CSNK1G3: variants seen among roughly 807,000 people sequenced by gnomAD.
CSNK1G3 encodes casein kinase I isoform gamma-3.
In CSNK1G3, 23 loss-of-function variants were observed where a neutral mutation model predicts 64.3. The observed-to-expected ratio is 0.36, with a 90% CI of 0.26 to 0.51. CSNK1G3 has a LOEUF of 0.51. Among genes scored for constraint, CSNK1G3 ranks in the 20% least tolerant of loss-of-function variants. The pLI is 0.96. For synonymous variants in CSNK1G3, 158 were observed against 162.2 expected (o/e 0.97, Z 0.20); for missense variants, 357 against 510.5 (o/e 0.70, Z 2.90).
intron 1 of CSNK1G3, among the ~76,000 whole-genome samples, chr5:123,532,822 T>C (rs1780148132): frequency 6.6e-6 from 1 of 151,920 alleles, no homozygotes; most frequent in East Asian, 1.9e-4. Context: ...TTAATGCCCG[T>C]ATGTGGAAAA....
chr5:123,604,690 A>G (rs780466126), intron 10 of CSNK1G3, 34 bp from the exon 12 acceptor site: 11 of 1,160,938 alleles, frequency 9.5e-6, no homozygotes, highest in Middle Eastern at 2.0e-4. Context: ...GTGTGTGTAC[A>G]TATACATATA....
At chr5:123,552,609 A>G (rs1219618604) in intron 2 of CSNK1G3, among the ~76,000 whole-genome samples, 2 of 152,316 alleles carry the variant, frequency 1.3e-5, no homozygotes, top group East Asian at 3.9e-4. Flanking sequence ...ACAGCCAATT[A>G]TTGAATGTTT....
intron 6 of CSNK1G3, among the ~76,000 whole-genome samples, chr5:123,577,433 G>A (rs113782928): frequency 3.5e-4 from 53 of 152,012 alleles, no homozygotes; most frequent in African/African-American, 1.3e-3. Flanking sequence ...AGAGACATAC[G>A]TTAATATCTG....
At chr5:123,593,668 CA>C (rs1320279036) in intron 10 of CSNK1G3, among the ~76,000 whole-genome samples, 35 of 152,212 alleles carry the variant, frequency 2.3e-4, no homozygotes, top group African/African-American at 8.4e-4. Flanking sequence ...ACTTAAGCTA[CA>C]AATCTGCTTA....
intron 12 of CSNK1G3, among the ~76,000 whole-genome samples, chr5:123,606,415 C>T (rs1285332212): frequency 4.6e-5 from 7 of 152,068 alleles, no homozygotes; most frequent in East Asian, 1.9e-4. Flanking sequence ...GTGGCAGATT[C>T]GACTGCACAT....
chr5:123,551,927 C>A (rs751358144), intron 2 of CSNK1G3, among the ~76,000 whole-genome samples: 1 of 152,078 alleles, frequency 6.6e-6, no homozygotes, highest in Non-Finnish European at 1.5e-5. Flanking sequence ...ATACATTAAT[C>A]AAATTATCTT....
intron 6 of CSNK1G3, among the ~76,000 whole-genome samples, chr5:123,577,550 A>G (rs1473096685): frequency 7.5e-6 from 1 of 133,852 alleles, no homozygotes; most frequent in Admixed American, 7.5e-5. Context: ...CCATATTTGT[A>G]TCTTTTTTTT....
intron 12 of CSNK1G3, among the ~76,000 whole-genome samples, chr5:123,606,317 T>C (rs2151178691): frequency 6.6e-6 from 1 of 152,298 alleles, no homozygotes; most frequent in South Asian, 2.1e-4. Flanking sequence ...ATAGTCTTAC[T>C]TGTGTGTTTT....
At chr5:123,594,431 A>G (rs1433608743) in intron 10 of CSNK1G3, among the ~76,000 whole-genome samples, 2 of 152,146 alleles carry the variant, frequency 1.3e-5, no homozygotes, top group Non-Finnish European at 2.9e-5. Flanking sequence ...ATGTAGGATT[A>G]TCACTTAGAA....
At chr5:123,535,792 A>T (rs1004434) in intron 1 of CSNK1G3, among the ~76,000 whole-genome samples, 36,967 of 152,018 alleles carry the variant, frequency 0.24, 4,764 homozygotes, top group Middle Eastern at 0.29. Context: ...TGCTTTTCAG[A>T]TATCAAAATG....
chr5:123,539,891 G>T (rs1781415015), intron 1 of CSNK1G3, among the ~76,000 whole-genome samples: 1 of 151,962 alleles, frequency 6.6e-6, no homozygotes, highest in African/African-American at 2.4e-5. Flanking sequence ...CAAGGGATTT[G>T]TCCATTTCAT....
At chr5:123,575,929 T>G in exon 6 of CSNK1G3, 1 of 1,612,684 alleles carries the variant, frequency 6.2e-7, no homozygotes, top group Non-Finnish European at 8.5e-7. Context: ...CAGGAACAGC[T>G]AGATATATGA....
Position 123,573,387 on chromosome 5 carries a change from C to T in CSNK1G3, c.290-6C>T, listed in dbSNP as rs753519513. 14 of 1,612,746 alleles carry T rather than the reference C, an allele frequency of 8.7e-6. No homozygotes were observed. The highest frequency in any genetic ancestry group is 3.3e-4 in the Middle Eastern group (2 of 6,080). ...AATTATTAAATGAGTATTTCTTTTC[C>T]CCCAGATGGTATACCTCAAGTTTAC... On this transcript the variant is annotated splice_region_variant and splice_polypyrimidine_tract_variant and intron_variant, in intron 4 of 12. Transcript: ENST00000345990.
At chr5:123,575,772 G>C (rs1246193596) in exon 6 of CSNK1G3, 1 of 1,613,388 alleles carries the variant, frequency 6.2e-7, no homozygotes. Flanking sequence ...TTGATATACA[G>C]AGATGTAAAA....
chr5:123,591,503 G>C (rs1792358623), intron 10 of CSNK1G3, 89 bp downstream of exon 10: 1 of 646,244 alleles, frequency 1.5e-6, no homozygotes, highest in East Asian at 3.2e-5. Flanking sequence ...CTGAAGGATT[G>C]AAAATACATA....
At chr5:123,592,211 G>A (rs1444838724) in intron 10 of CSNK1G3, among the ~76,000 whole-genome samples, 6 of 151,974 alleles carry the variant, frequency 3.9e-5, no homozygotes, top group African/African-American at 1.4e-4. Flanking sequence ...GAAGATAAGG[G>A]CATTTTGGGG....
chr5:123,536,948 G>A (rs1002112), intron 1 of CSNK1G3, among the ~76,000 whole-genome samples: 36,948 of 151,990 alleles, frequency 0.24, 4,765 homozygotes, highest in Middle Eastern at 0.29. Context: ...AGATGTTGGC[G>A]AGGATACAGA....
intron 1 of CSNK1G3, among the ~76,000 whole-genome samples, chr5:123,521,546 T>A (rs1220326659): frequency 6.6e-6 from 1 of 152,202 alleles, no homozygotes; most frequent in East Asian, 1.9e-4. Flanking sequence ...TAATACCTAC[T>A]AATGAAGGTG....
intron 10 of CSNK1G3, among the ~76,000 whole-genome samples, chr5:123,593,120 A>T (rs1391023221): frequency 6.6e-6 from 1 of 151,758 alleles, no homozygotes; most frequent in Non-Finnish European, 1.5e-5. Context: ...TGCTAACTAG[A>T]GTATAAGCTC....
Sources: allele counts gnomAD v4.1 joint callset (sites outside exome capture counted in the v4.1 genomes callset), GRCh38; gene constraint gnomAD v4.1.1; transcripts MANE v1.5; gene names NCBI Gene and HGNC (gene_info 2026-07-23, HGNC 2026-07-21).